Variants in CFAP299 observed in about 807,000 individuals in gnomAD.
CFAP299 encodes the protein cilia- and flagella-associated protein 299.
In CFAP299, 21 loss-of-function variants were observed where a neutral mutation model predicts 27.0. The observed-to-expected ratio is 0.78, with a 90% confidence interval of 0.55 to 1.12. The LOEUF is 1.12. Ranked by LOEUF, CFAP299 falls within the 50% of genes most tolerant of loss-of-function variation. The probability of loss-of-function intolerance (pLI) is 0.00; values close to 1 mark genes in which losing one functional copy is unlikely to be tolerated. For missense variants in CFAP299, 310 were observed against 276.6 expected (o/e 1.12, Z -0.86); for synonymous variants, 104 against 98.1 (o/e 1.06, Z -0.36).
chr4:80,630,544 A>T (rs1168742317), intron 3 of CFAP299, among the ~76,000 whole-genome samples: 2 of 152,036 alleles, frequency 1.3e-5, no homozygotes, highest in Non-Finnish European at 2.9e-5. Context: ...ATGAAACATT[A>T]TGTTTTTATA....
intron 3 of CFAP299, among the ~76,000 whole-genome samples, chr4:80,841,375 A>G (rs1051866503): frequency 2.6e-5 from 4 of 152,088 alleles, no homozygotes; most frequent in African/African-American, 9.7e-5. Context: ...CAAAATGACC[A>G]TACAAAAGTT....
intron 2 of CFAP299, among the ~76,000 whole-genome samples, chr4:80,452,918 A>C (rs1466698721): frequency 1.3e-5 from 2 of 152,214 alleles, no homozygotes; most frequent in East Asian, 3.8e-4. Context: ...TAAGTCAGAG[A>C]CATCATGAGA....
intron 3 of CFAP299, among the ~76,000 whole-genome samples, chr4:80,724,934 CTCCT>C (rs199650438): frequency 0.028 from 2,885 of 103,938 alleles, 73 homozygotes; most frequent in South Asian, 0.078. Context: ...TTCTTTCTTT[CTCCT>C]TCCTTCCTTC....
chr4:80,885,815 C>T (rs1486866952), intron 4 of CFAP299, among the ~76,000 whole-genome samples: 1 of 152,126 alleles, frequency 6.6e-6, no homozygotes, highest in African/African-American at 2.4e-5. Flanking sequence ...GTGAAAGACT[C>T]CTTCAGAGGG....
chr4:80,398,829 AATTG>A, intron 2 of CFAP299, among the ~76,000 whole-genome samples: 1 of 152,362 alleles, frequency 6.6e-6, no homozygotes, highest in South Asian at 2.1e-4. Context: ...CAAAAGCCAA[AATTG>A]ACAAATGGGA....
In CFAP299 at chr4:80,381,499, G is replaced by A. The variant is rs1164134610; in HGVS notation, c.242+18615G>A. On this transcript the variant is annotated intron_variant, in intron 2 of 5. Coordinates refer to ENST00000358105, the MANE Select transcript of CFAP299 (RefSeq NM_152770.3). Reference sequence around the variant, plus strand: ...GCAATCTCGGCTCACTGCAAGCTCCGCTTCCCGGGTTCACGCCATTCTCCT... The same window carrying A: ...GCAATCTCGGCTCACTGCAAGCTCCACTTCCCGGGTTCACGCCATTCTCCT... 6.8e-4 allele frequency among the ~76,000 whole-genome samples: 3 copies of A among 4,414 alleles called. 1 individual carries two copies. The highest frequency in any genetic ancestry group is 7.6e-4 in the African/African-American group (3 of 3,940). 2.9% of individuals were successfully genotyped at this position (4,414 alleles called of 152,430 possible).
At chr4:80,951,954 C>G (rs1465332652) in intron 5 of CFAP299, among the ~76,000 whole-genome samples, 2 of 152,152 alleles carry the variant, frequency 1.3e-5, no homozygotes, top group Non-Finnish European at 2.9e-5. Context: ...AAATCACCAT[C>G]ACTGCTATTT....
chr4:80,391,569 C>A (rs1325161788), intron 2 of CFAP299, among the ~76,000 whole-genome samples: 1 of 152,074 alleles, frequency 6.6e-6, no homozygotes, highest in African/African-American at 2.4e-5. Context: ...TTATAATGAA[C>A]CTGAAAAATT....
intron 2 of CFAP299, among the ~76,000 whole-genome samples, chr4:80,397,817 G>C (rs1725894695): frequency 6.6e-6 from 1 of 152,146 alleles, no homozygotes; most frequent in African/African-American, 2.4e-5. Context: ...ATTCAACATA[G>C]TGTTGGAAGT....
chr4:80,876,581 C>T (rs571339368), intron 4 of CFAP299, among the ~76,000 whole-genome samples: 129 of 152,246 alleles, frequency 8.5e-4, no homozygotes, highest in African/African-American at 3.0e-3. Flanking sequence ...TGGACTAATA[C>T]AAGACCTTTT....
At chr4:80,628,520 A>G (rs1739032466) in intron 3 of CFAP299, among the ~76,000 whole-genome samples, 3 of 152,164 alleles carry the variant, frequency 2.0e-5, no homozygotes, top group Non-Finnish European at 2.9e-5. Context: ...GCAGCAAAGA[A>G]AACAACCAAC....
intron 2 of CFAP299, among the ~76,000 whole-genome samples, chr4:80,446,438 C>G (rs912524670): frequency 4.6e-5 from 7 of 152,214 alleles, no homozygotes; most frequent in African/African-American, 1.7e-4. Flanking sequence ...AATAAGTCTT[C>G]CATTTCTGTA....
At chr4:80,484,116 A>G (rs1730695394) in intron 2 of CFAP299, among the ~76,000 whole-genome samples, 1 of 152,116 alleles carries the variant, frequency 6.6e-6, no homozygotes, top group South Asian at 2.1e-4. Flanking sequence ...TTTTACCCCT[A>G]AAGAGCTGGT....
chr4:80,847,473 A>C (rs1731249772), intron 3 of CFAP299, among the ~76,000 whole-genome samples: 2 of 152,302 alleles, frequency 1.3e-5, no homozygotes, highest in South Asian at 4.1e-4. Context: ...AGATGATGTC[A>C]GTTTTATTAC....
chr4:80,457,824 A>G (rs538396759), intron 2 of CFAP299, among the ~76,000 whole-genome samples: 8 of 152,264 alleles, frequency 5.3e-5, no homozygotes, highest in Middle Eastern at 6.8e-3. Context: ...CATCTACAAT[A>G]GAGACTACTT....
intron 2 of CFAP299, among the ~76,000 whole-genome samples, chr4:80,567,944 G>A (rs1244406790): frequency 6.6e-6 from 1 of 151,474 alleles, no homozygotes; most frequent in Admixed American, 6.6e-5. Context: ...AATGTAATAT[G>A]CATTATTAAA....
At chr4:80,932,286 G>A (rs1402594417) in intron 4 of CFAP299, among the ~76,000 whole-genome samples, 1 of 151,960 alleles carries the variant, frequency 6.6e-6, no homozygotes, top group Admixed American at 6.6e-5. Flanking sequence ...ACCATTATCT[G>A]TATTTTCCTA....
chr4:80,850,228 T>TGG (rs70956069), intron 3 of CFAP299, among the ~76,000 whole-genome samples: 4 of 150,948 alleles, frequency 2.6e-5, no homozygotes, highest in Middle Eastern at 3.2e-3. Context: ...TTTATGGCGG[T>TGG]GGGGGGGGTG....
At chr4:80,322,757 A>G in the CFAP299 span, among the ~76,000 whole-genome samples, 11 of 152,312 alleles carry the variant, frequency 7.2e-5, 1 homozygote, top group East Asian at 2.1e-3. Flanking sequence ...AAGCAACACT[A>G]ATGATCTTTG....
Sources: allele counts gnomAD v4.1 joint callset (sites outside exome capture counted in the v4.1 genomes callset), GRCh38; gene constraint gnomAD v4.1.1; transcripts MANE v1.5; gene names NCBI Gene and HGNC (gene_info 2026-07-23, HGNC 2026-07-21).